Variants in CSMD1 observed in about 807,000 individuals in gnomAD.
The protein encoded by CSMD1 is CUB and sushi domain-containing protein 1.
CSMD1 carries 213 observed loss-of-function variants against 417.5 expected under a neutral mutation model. The ratio of observed to expected loss-of-function variants is 0.51; its 90% CI spans 0.46 to 0.57. The LOEUF (loss-of-function observed/expected upper bound fraction) is 0.57. CSMD1 is among the 20% of genes least tolerant of loss of function. The pLI is 0.00. For synonymous variants in CSMD1, 2,862 were observed against 1,736.8 expected (o/e 1.65, Z -16.11); for missense variants, 6,923 against 4,529.7 (o/e 1.53, Z -15.17).
At chr8:4,653,996 A>G (rs1804071356) in intron 1 of CSMD1, among the ~76,000 whole-genome samples, 1 of 152,132 alleles carries the variant, frequency 6.6e-6, no homozygotes, top group Non-Finnish European at 1.5e-5. Flanking sequence ...TTCCATTCAA[A>G]TATAAAGGTT....
chr8:4,947,116 G>C (rs966697486), intron 1 of CSMD1, among the ~76,000 whole-genome samples: 2 of 152,070 alleles, frequency 1.3e-5, no homozygotes, highest in Non-Finnish European at 1.5e-5. Flanking sequence ...ATAACTACTT[G>C]TATCCATCTG....
At chr8:3,347,163 T>C (rs1386897521) in intron 22 of CSMD1, among the ~76,000 whole-genome samples, 1 of 152,254 alleles carries the variant, frequency 6.6e-6, no homozygotes, top group Admixed American at 6.5e-5. Flanking sequence ...CTGGGCCGCA[T>C]GTGGCCTGTG....
intron 26 of CSMD1, among the ~76,000 whole-genome samples, chr8:3,245,690 A>G (rs1277220774): frequency 3.3e-5 from 5 of 152,046 alleles, no homozygotes; most frequent in Non-Finnish European, 7.4e-5. Context: ...TACAAAGTTT[A>G]TTTTTTCTTC....
chr8:3,872,353 T>G (rs896833692), intron 5 of CSMD1, among the ~76,000 whole-genome samples: 1 of 152,164 alleles, frequency 6.6e-6, no homozygotes, highest in Non-Finnish European at 1.5e-5. Flanking sequence ...AAGTGCCAGG[T>G]GCTGTGTTGG....
intron 3 of CSMD1, among the ~76,000 whole-genome samples, chr8:4,300,020 T>G (rs1168945423): frequency 6.6e-6 from 1 of 152,194 alleles, no homozygotes; most frequent in Non-Finnish European, 1.5e-5. Context: ...TACAAGTTTG[T>G]ATAAAGAGGC....
At chr8:4,111,286 C>A (rs772759598) in intron 3 of CSMD1, among the ~76,000 whole-genome samples, 1 of 152,204 alleles carries the variant, frequency 6.6e-6, no homozygotes, top group African/African-American at 2.4e-5. Flanking sequence ...TCAGTGAAAT[C>A]TTATGAGCAG....
intron 1 of CSMD1, among the ~76,000 whole-genome samples, chr8:4,975,098 G>A (rs1412668389): frequency 6.6e-6 from 1 of 152,136 alleles, no homozygotes; most frequent in Admixed American, 6.5e-5. Context: ...TATCTACCAA[G>A]AAGGGCTAGG....
intron 27 of CSMD1, among the ~76,000 whole-genome samples, chr8:3,224,829 C>G (rs1413923772): frequency 6.6e-6 from 1 of 152,116 alleles, no homozygotes; most frequent in African/African-American, 2.4e-5. Context: ...TCTCCTAAAC[C>G]TCTCATCTCA....
chr8:4,142,358 T>C (rs1374925106), intron 3 of CSMD1, among the ~76,000 whole-genome samples: 1 of 151,114 alleles, frequency 6.6e-6, no homozygotes. Flanking sequence ...GATATTTGGC[T>C]GTAGGCAAAT....
At chr8:3,652,129 G>A (rs111287408) in intron 7 of CSMD1, among the ~76,000 whole-genome samples, 15 of 112,620 alleles carry the variant, frequency 1.3e-4, no homozygotes, top group African/African-American at 1.9e-4. Flanking sequence ...CCATCAGAGC[G>A]CTTACCACCA....
chr8:3,059,189 A>G (rs972171372), intron 49 of CSMD1, among the ~76,000 whole-genome samples: 1 of 151,738 alleles, frequency 6.6e-6, no homozygotes. Flanking sequence ...ATGGCTTGTT[A>G]AGAACTAAAA....
intron 18 of CSMD1, among the ~76,000 whole-genome samples, chr8:3,376,635 G>C (rs758019335): frequency 5.3e-5 from 8 of 151,702 alleles, no homozygotes; most frequent in Non-Finnish European, 1.0e-4. Context: ...CTTTGCGTTT[G>C]TCTTTCACAA....
chr8:4,138,830 T>A (rs2131007882), intron 3 of CSMD1, among the ~76,000 whole-genome samples: 1 of 152,294 alleles, frequency 6.6e-6, no homozygotes, highest in South Asian at 2.1e-4. Flanking sequence ...CTGAGGCAAA[T>A]TCTATAGAGA....
At chr8:4,113,764 G>C (rs970453978) in intron 3 of CSMD1, among the ~76,000 whole-genome samples, 5 of 152,294 alleles carry the variant, frequency 3.3e-5, no homozygotes, top group African/African-American at 7.2e-5. Context: ...TGGTGAGATG[G>C]AGAAAGTTTT....
At chr8:3,776,046 A>G (rs1351864838) in intron 5 of CSMD1, among the ~76,000 whole-genome samples, 1 of 152,104 alleles carries the variant, frequency 6.6e-6, no homozygotes, top group Non-Finnish European at 1.5e-5. Flanking sequence ...TGCTGGAGCC[A>G]CCTCAGAACC....
chr8:3,868,681 C>T (rs1280970069), intron 5 of CSMD1, among the ~76,000 whole-genome samples: 1 of 152,198 alleles, frequency 6.6e-6, no homozygotes. Flanking sequence ...CTTTCCATCT[C>T]ATGAATGCAG....
intron 5 of CSMD1, among the ~76,000 whole-genome samples, chr8:3,834,462 C>G (rs1802560518): frequency 6.6e-6 from 1 of 152,182 alleles, no homozygotes; most frequent in Admixed American, 6.6e-5. Flanking sequence ...GCAGGCAGTG[C>G]TCCATGTGTG....
intron 2 of CSMD1, among the ~76,000 whole-genome samples, chr8:4,573,397 G>C (rs111718842): frequency 0.017 from 2,537 of 152,202 alleles, 67 homozygotes; most frequent in African/African-American, 0.058. Flanking sequence ...AGGTCTGCTG[G>C]AGTTTGCTGG....
At chr8:4,468,606 G>C (rs1389566405) in intron 2 of CSMD1, among the ~76,000 whole-genome samples, 2 of 152,070 alleles carry the variant, frequency 1.3e-5, no homozygotes, top group Admixed American at 6.6e-5. Context: ...GATTTTTCAA[G>C]ATTCAATTTG....
Sources: allele counts gnomAD v4.1 joint callset (sites outside exome capture counted in the v4.1 genomes callset), GRCh38; gene constraint gnomAD v4.1.1; transcripts MANE v1.5; gene names NCBI Gene and HGNC (gene_info 2026-07-23, HGNC 2026-07-21).